The following RGS7 variants were observed in gnomAD, a reference collection of about 807,000 sequenced individuals.
The protein encoded by RGS7 is regulator of G-protein signaling 7.
A neutral mutation model predicts 81.1 loss-of-function variants in RGS7; 27 were observed. The observed-to-expected ratio is 0.33, with a 90% CI of 0.25 to 0.46. RGS7 has a LOEUF of 0.46. RGS7 is among the 20% of genes least tolerant of loss of function. RGS7 has a pLI of 1.00. For missense variants in RGS7, 396 were observed against 607.4 expected (o/e 0.65, Z 3.66); for synonymous variants, 208 against 207.7 (o/e 1.00, Z -0.01).
chr1:241,348,632 G>A (rs911992351), intron 2 of RGS7, among the ~76,000 whole-genome samples: 1 of 152,188 alleles, frequency 6.6e-6, no homozygotes, highest in African/African-American at 2.4e-5. Flanking sequence ...TGAAAAAGTA[G>A]ATTAACTCTG....
chr1:241,124,864 G>A (rs1012477701), intron 2 of RGS7, among the ~76,000 whole-genome samples: 2 of 152,228 alleles, frequency 1.3e-5, no homozygotes, highest in African/African-American at 4.8e-5. Context: ...AAAAGCCAGC[G>A]AACTTGTTAC....
At chr1:241,177,568 G>T (rs1461184555) in intron 2 of RGS7, among the ~76,000 whole-genome samples, 1 of 152,152 alleles carries the variant, frequency 6.6e-6, no homozygotes, top group South Asian at 2.1e-4. Context: ...ATTAAAATAG[G>T]ACTGTGCATG....
chr1:240,976,772 A>ATCC, intron 4 of RGS7, among the ~76,000 whole-genome samples: 1 of 133,592 alleles, frequency 7.5e-6, no homozygotes, highest in East Asian at 2.3e-4. Flanking sequence ...TCTATCTATC[A>ATCC]TCGATCTATC....
chr1:240,837,396 G>T (rs188479728), intron 9 of RGS7, among the ~76,000 whole-genome samples: 106 of 152,318 alleles, frequency 7.0e-4, no homozygotes, highest in Admixed American at 6.3e-3. Flanking sequence ...GTCTCTCTTA[G>T]ATTTGAGACT....
Position 240,775,704 on chromosome 1 carries a change from T to G in RGS7, c.*516A>C. 33 of 170,126 alleles carry G rather than the reference T, an allele frequency of 1.9e-4. No individual in the cohort carries two copies. Among genetic ancestry groups the G allele is most frequent in the East Asian group, 1.0e-3 (7 of 6,800 alleles). 10.5% of individuals were successfully genotyped at this position (170,126 alleles called of 1,614,324 possible). A position where few individuals can be genotyped will look rare whatever the true frequency, so the allele number is the denominator to read the frequency against. ...ACGAAGACATGAGTTTGTTTCTGACTGTGACACATTGGTGAAATGAAACTT... is the reference window on the plus strand; with the variant it reads ...ACGAAGACATGAGTTTGTTTCTGACGGTGACACATTGGTGAAATGAAACTT... On this transcript the variant is annotated 3_prime_UTR_variant, in exon 19 of 19. Coordinates refer to ENST00000440928, the MANE Select transcript of RGS7 (RefSeq NM_001364886.1).
At chr1:241,170,059 C>T (rs2070615381) in intron 2 of RGS7, among the ~76,000 whole-genome samples, 1 of 152,068 alleles carries the variant, frequency 6.6e-6, no homozygotes, top group Non-Finnish European at 1.5e-5. Context: ...GGCCACCGTC[C>T]ATCAGCATGG....
At chr1:240,854,460 C>T (rs1270548974) in intron 9 of RGS7, among the ~76,000 whole-genome samples, 3 of 152,092 alleles carry the variant, frequency 2.0e-5, no homozygotes, top group African/African-American at 7.2e-5. Flanking sequence ...AGTTCCTTTA[C>T]TCAATAACAC....
intron 4 of RGS7, among the ~76,000 whole-genome samples, chr1:240,971,025 T>C (rs1683125330): frequency 6.6e-6 from 1 of 152,162 alleles, no homozygotes; most frequent in Admixed American, 6.5e-5. Context: ...ATGTACAAGA[T>C]ACCATAATTT....
chr1:241,072,089 T>C (rs1337518994), intron 3 of RGS7, among the ~76,000 whole-genome samples: 1 of 152,174 alleles, frequency 6.6e-6, no homozygotes, highest in Non-Finnish European at 1.5e-5. Flanking sequence ...CCAAGTGATC[T>C]AACTGGTACA....
At chr1:240,990,490 A>AGCT (rs1412364283) in intron 3 of RGS7, among the ~76,000 whole-genome samples, 2 of 152,236 alleles carry the variant, frequency 1.3e-5, no homozygotes, top group African/African-American at 4.8e-5. Context: ...GCACTAAAAC[A>AGCT]GCTACTCAAA....
chr1:240,938,966 G>C (rs1280118552), intron 4 of RGS7, among the ~76,000 whole-genome samples: 1 of 152,070 alleles, frequency 6.6e-6, no homozygotes, highest in Non-Finnish European at 1.5e-5. Context: ...TGTCATTGTG[G>C]AAAGAACAAG....
At chr1:240,877,441 T>A (rs1665627199) in intron 6 of RGS7, among the ~76,000 whole-genome samples, 1 of 151,858 alleles carries the variant, frequency 6.6e-6, no homozygotes, top group Non-Finnish European at 1.5e-5. Flanking sequence ...CACATATGAA[T>A]ATCTGTTTAT....
At chr1:240,949,569 C>A (rs562207827) in intron 4 of RGS7, among the ~76,000 whole-genome samples, 3 of 152,166 alleles carry the variant, frequency 2.0e-5, no homozygotes, top group Non-Finnish European at 2.9e-5. Flanking sequence ...AAGGATGGGC[C>A]GGGTGTGGTG....
At chr1:240,841,382 C>T (rs10802911) in intron 9 of RGS7, among the ~76,000 whole-genome samples, 101,785 of 151,996 alleles carry the variant, frequency 0.67, 34,466 homozygotes, top group Middle Eastern at 0.76. Context: ...TTTCTTTACC[C>T]GGGTGTGCAA....
intron 3 of RGS7, among the ~76,000 whole-genome samples, chr1:241,036,665 AC>A (rs1338952362): frequency 2.6e-5 from 4 of 152,214 alleles, no homozygotes; most frequent in Non-Finnish European, 4.4e-5. Context: ...GCTTCACCTT[AC>A]AAAGGGATAG....
intron 9 of RGS7, among the ~76,000 whole-genome samples, chr1:240,855,308 C>CAAA (rs758331434): frequency 6.7e-5 from 1 of 14,918 alleles, no homozygotes; most frequent in African/African-American, 1.8e-4. Flanking sequence ...GACCATGTCT[C>CAAA]AAAAAAAAAA....
intron 10 of RGS7, chr1:240,823,379 C>T (rs1692163028): frequency 6.6e-6 from 3 of 453,676 alleles, no homozygotes; most frequent in South Asian, 5.6e-5. Flanking sequence ...GGCCTGGAGC[C>T]ACGGCCGAAG....
intron 4 of RGS7, among the ~76,000 whole-genome samples, chr1:240,982,616 A>T (rs1000961532): frequency 2.8e-4 from 42 of 151,558 alleles, no homozygotes; most frequent in African/African-American, 8.5e-4. Flanking sequence ...TCTCTCTCTC[A>T]CACACACACA....
chr1:240,824,461 A>C (rs1207861355), intron 10 of RGS7, among the ~76,000 whole-genome samples: 1 of 152,248 alleles, frequency 6.6e-6, no homozygotes, highest in Non-Finnish European at 1.5e-5. Flanking sequence ...AGACGGCTCA[A>C]TTATGGCGGA....
Sources: allele counts gnomAD v4.1 joint callset (sites outside exome capture counted in the v4.1 genomes callset), GRCh38; gene constraint gnomAD v4.1.1; transcripts MANE v1.5; gene names NCBI Gene and HGNC (gene_info 2026-07-23, HGNC 2026-07-21).